The following MYO18A variants were observed in gnomAD, a reference collection of about 807,000 sequenced individuals.
The protein encoded by MYO18A is unconventional myosin-XVIIIa.
MYO18A carries 78 observed loss-of-function variants against 235.8 expected under a neutral mutation model. The observed-to-expected ratio is 0.33, with a 90% CI of 0.28 to 0.40. The LOEUF is 0.40. Among genes scored for constraint, MYO18A ranks in the 10% least tolerant of loss-of-function variants. The pLI, the probability that MYO18A is intolerant of heterozygous loss-of-function variation, is 1.00. For missense variants in MYO18A, 2,215 were observed against 2,699.3 expected, an observed-to-expected ratio of 0.82 and a Z score of 3.98; for synonymous variants, 977 against 1,077.8, an observed-to-expected ratio of 0.91 and a Z score of 1.83.
rs762040758 is a variant in MYO18A at position 29,090,023 on chromosome 17, C to T, written c.5464G>A (p.Ala1822Thr). The change falls in exon 37 of 42, where the codon GCT becomes ACT. Residue 1822 changes from alanine to threonine, a missense_variant. Ala to Thr is a moderately conservative substitution (Grantham distance 58). Transcript: ENST00000527372. ...VDKSLVSRQE[A>T]KIRELETRLE... ...CGTGTCTCCAGCTCCCGTATCTTAG[C>T]TTCCTGCCTGCTCACCAGGGACTTG... 9 of 1,613,942 alleles carry T rather than the reference C, an allele frequency of 5.6e-6. No homozygotes were observed. The highest frequency in any genetic ancestry group is 7.6e-6 in the Non-Finnish European group (9 of 1,179,902).
In MYO18A at chr17:29,115,737, G is replaced by A. The variant is rs772911855; in HGVS notation, c.2154C>T (p.His718=). Residue 718 remains histidine (H), a synonymous_variant, in exon 12 of 42, where the codon CAC becomes CAT. Coordinates refer to ENST00000527372, the MANE Select transcript of MYO18A (RefSeq NM_078471.4). ...TGGAGCGCTGCAGGGTGCCACCCTT[G>A]TGCTGGTGCTTGAAGATGGCTGAGG... ...ELSSAIFKHQ[H]KGGTLQRSTS... is the part of the protein sequence containing the mutation. 1 of 1,602,570 alleles carries A rather than the reference G, an allele frequency of 6.2e-7. No individual in the cohort carries two copies. Among genetic ancestry groups the A allele is most frequent in the Non-Finnish European group, 8.5e-7 (1 of 1,174,726 alleles).
At chr17:29,145,839 AG>A (rs1374095980) in intron 2 of MYO18A, among the ~76,000 whole-genome samples, 10 of 152,242 alleles carry the variant, frequency 6.6e-5, no homozygotes, top group African/African-American at 2.4e-4. Flanking sequence ...GATCTGTTCC[AG>A]TTACGGTATT....
In MYO18A at chr17:29,121,755, A is replaced by G. The variant is rs763329106; in HGVS notation, c.1195-32T>C. ...GGGAGGACAGGCGGGTGGGTATTAG[A>G]GCAGCAGAGCCCATCTCCGCTGCCA... On this transcript the variant is annotated intron_variant, in intron 4 of 41. Transcript: ENST00000527372. The surrounding 1 kb of genome is among the most constrained non-coding windows in gnomAD (Gnocchi z 4.2). 4 of 1,585,942 alleles carry G rather than the reference A, an allele frequency of 2.5e-6. No homozygotes were observed. Among genetic ancestry groups the G allele is most frequent in the Non-Finnish European group, 3.4e-6 (4 of 1,164,292 alleles).
intron 25 of MYO18A, 85 bp from the exon 26 acceptor site, chr17:29,097,984 C>A: frequency 6.4e-7 from 1 of 1,572,140 alleles, no homozygotes; most frequent in Non-Finnish European, 8.6e-7. Context: ...CACATGCTTA[C>A]CAAGGGCAGA....
chr17:29,128,407 T>G, intron 2 of MYO18A: 2 of 1,289,330 alleles, frequency 1.6e-6, no homozygotes, highest in Non-Finnish European at 2.0e-6. Flanking sequence ...GGCCTTCTGC[T>G]GTGGCAGCTC....
At chr17:29,128,682 C>T (rs1341648400) in intron 2 of MYO18A, 11 of 609,898 alleles carry the variant, frequency 1.8e-5, no homozygotes, top group South Asian at 1.2e-4. Context: ...CATGGCTCCA[C>T]GAGGCTACCC....
At chr17:29,085,551 G>T in intron 40 of MYO18A, 53 bp downstream of exon 40, 1 of 1,575,318 alleles carries the variant, frequency 6.3e-7, no homozygotes, top group Non-Finnish European at 8.7e-7. Context: ...AGTGTTAGGG[G>T]TGGTTAGACA....
intron 2 of MYO18A, among the ~76,000 whole-genome samples, chr17:29,164,712 A>G (rs1216318222): frequency 6.6e-6 from 1 of 152,332 alleles, no homozygotes; most frequent in East Asian, 1.9e-4. Flanking sequence ...TCCTTCGTAT[A>G]CTATCTCCAG....
chr17:29,076,748 C>T (rs1241298224), intron 41 of MYO18A: 1 of 152,160 alleles, frequency 6.6e-6, no homozygotes, highest in African/African-American at 2.4e-5. Context: ...TAGTGGGAGC[C>T]TGGTTTGGTT....
At chr17:29,129,068 G>C (rs1217375466) in intron 2 of MYO18A, 1 of 1,289,248 alleles carries the variant, frequency 7.8e-7, no homozygotes, top group Non-Finnish European at 1.0e-6. Flanking sequence ...TGTAGTCCTT[G>C]GTCCTTCCAT....
chr17:29,152,448 C>G (rs1162774747), intron 2 of MYO18A, among the ~76,000 whole-genome samples: 1 of 152,166 alleles, frequency 6.6e-6, no homozygotes, highest in East Asian at 1.9e-4. Flanking sequence ...AAACTTCAGA[C>G]CAGATTGGAA....
At chr17:29,115,168 C>T in intron 13 of MYO18A, 69 bp from the exon 14 acceptor site, 1 of 1,508,522 alleles carries the variant, frequency 6.6e-7, no homozygotes, top group Non-Finnish European at 9.0e-7. Context: ...CCACCCTGCC[C>T]AAGCCAGACC....
intron 41 of MYO18A, chr17:29,079,916 A>T: frequency 1.0e-6 from 1 of 985,916 alleles, no homozygotes; most frequent in Non-Finnish European, 1.2e-6. Context: ...GACGACGAGG[A>T]GGACTCAGAC....
chr17:29,084,475 C>T (rs1271206920), intron 40 of MYO18A, among the ~76,000 whole-genome samples: 2 of 152,190 alleles, frequency 1.3e-5, no homozygotes, highest in Non-Finnish European at 2.9e-5. Flanking sequence ...CGTAAACAAA[C>T]TCCAGGGGCA....
chr17:29,166,816 C>T lies in MYO18A; in HGVS notation c.125G>A (p.Arg42Gln). 6.2e-7 allele frequency: 1 copy of T among 1,600,116 alleles called. No individual in the cohort carries two copies. The highest frequency in any genetic ancestry group is 8.5e-7 in the Non-Finnish European group (1 of 1,173,920). ...ELRSLEEMSL[R>Q]RGFFNLNRSS... ...GCGGTTCAGGTTGAAGAAGCCACGT[C>T]GCAGGCTCATCTCCTCCAGGCTCCG... Residue 42 changes from arginine to glutamine, a missense_variant, in exon 2 of 42, where the codon CGA becomes CAA. Physicochemically the swap from Arg to Gln is conservative, Grantham distance 43. Transcript: ENST00000527372.
rs1028531822 is a variant in MYO18A at position 29,126,568 on chromosome 17, G to A, written c.1000-4315C>T. Among the ~76,000 whole-genome samples, 1 of 151,968 alleles carries A rather than the reference G, an allele frequency of 6.6e-6. No individual in the cohort carries two copies. The highest frequency in any genetic ancestry group is 1.5e-5 in the Non-Finnish European group (1 of 67,960). ...CCCAGGAAGAATGGGGAGCAACAAG[G>A]CTCCCCAGGTCCCAGGAGGTAACAG... is the stretch of plus-strand genomic sequence containing the variant. On this transcript the variant is annotated intron_variant, in intron 2 of 41. Transcript: ENST00000527372. The surrounding 1 kb of genome is among the most constrained non-coding windows in gnomAD (Gnocchi z 4.1).
intron 41 of MYO18A, chr17:29,080,173 C>T (rs2152715123): frequency 2.0e-6 from 2 of 986,046 alleles, no homozygotes; most frequent in East Asian, 2.3e-4. Flanking sequence ...GCTCCGGGCA[C>T]TTTGGATGCT....
At chr17:29,085,482 G>T in intron 40 of MYO18A, 122 bp downstream of exon 40, 1 of 822,766 alleles carries the variant, frequency 1.2e-6, no homozygotes, top group Non-Finnish European at 2.0e-6. Flanking sequence ...GACCAGTGAG[G>T]CGGGAGTGTG....
At chr17:29,076,647 T>C (rs1275615029) in intron 41 of MYO18A, 1 of 152,194 alleles carries the variant, frequency 6.6e-6, no homozygotes, top group Admixed American at 6.5e-5. Context: ...TGGGGGGGTT[T>C]CTAGGACAAA....
Sources: gnomAD v4.1 joint callset for allele counts (sites outside exome capture counted in the v4.1 genomes callset) on GRCh38, gnomAD v4.1.1 for gene constraint, Gnocchi (gnomAD v3.1) non-coding constraint, MANE v1.5 for transcripts, NCBI Gene and HGNC (gene_info 2026-07-23, HGNC 2026-07-21) for gene names.